XKR6: variants seen among roughly 807,000 people sequenced by gnomAD.
The protein encoded by XKR6 is XK related 6.
Under a neutral mutation model 56.7 loss-of-function variants are expected in XKR6, and 22 were observed. The observed-to-expected ratio is 0.39, with a 90% CI of 0.28 to 0.55. The LOEUF is 0.55. XKR6 is among the 20% of genes least tolerant of loss of function. The probability of loss-of-function intolerance (pLI) is 0.66; values close to 1 mark genes in which losing one functional copy is unlikely to be tolerated. For missense variants in XKR6, 852 were observed against 889.0 expected (o/e 0.96, Z 0.53); for synonymous variants, 524 against 387.8 (o/e 1.35, Z -4.13).
At chr8:10,986,405 G>C (rs541267097) in intron 1 of XKR6, among the ~76,000 whole-genome samples, 112 of 152,132 alleles carry the variant, frequency 7.4e-4, no homozygotes, top group Non-Finnish European at 1.3e-3. Flanking sequence ...AGAATAAAAG[G>C]ATCTACAAAT....
intron 1 of XKR6, among the ~76,000 whole-genome samples, chr8:11,050,132 C>T (rs1799508033): frequency 6.6e-6 from 1 of 152,206 alleles, no homozygotes; most frequent in East Asian, 1.9e-4. Flanking sequence ...CCCTCCTACT[C>T]CCAGGGCCGG....
At chr8:11,036,352 G>C (rs1799143234) in intron 1 of XKR6, among the ~76,000 whole-genome samples, 1 of 152,202 alleles carries the variant, frequency 6.6e-6, no homozygotes, top group Non-Finnish European at 1.5e-5. Flanking sequence ...AGAGGTGGGA[G>C]ACCTAGAGGA....
At chr8:11,027,276 C>A (rs1053782405) in intron 1 of XKR6, among the ~76,000 whole-genome samples, 11 of 152,170 alleles carry the variant, frequency 7.2e-5, no homozygotes, top group African/African-American at 2.2e-4. Flanking sequence ...TGCAGTCCAC[C>A]ATTGACTGAA....
At chr8:11,105,854 A>G in intron 1 of XKR6, 1 of 152,258 alleles carries the variant, frequency 6.6e-6, no homozygotes. Flanking sequence ...CATACATGGA[A>G]CACAAACATA....
At chr8:10,959,506 C>T (rs55788960) in intron 1 of XKR6, among the ~76,000 whole-genome samples, 2 of 152,264 alleles carry the variant, frequency 1.3e-5, no homozygotes, top group South Asian at 4.2e-4. Flanking sequence ...GGATTTGGTT[C>T]CTGGTGAGGG....
chr8:11,182,946 T>C (rs932071791), intron 1 of XKR6, among the ~76,000 whole-genome samples: 8 of 152,216 alleles, frequency 5.3e-5, no homozygotes, highest in Admixed American at 5.2e-4. Flanking sequence ...CACGGCCCTT[T>C]TGTAAGTGGA....
At chr8:11,055,238 G>A (rs1345457427) in intron 1 of XKR6, among the ~76,000 whole-genome samples, 3 of 152,118 alleles carry the variant, frequency 2.0e-5, no homozygotes, top group Admixed American at 2.0e-4. Flanking sequence ...AAGCAGCGTG[G>A]GGTGGATGAA....
intron 1 of XKR6, among the ~76,000 whole-genome samples, chr8:11,038,545 G>C (rs993224347): frequency 6.9e-6 from 1 of 144,160 alleles, no homozygotes; most frequent in African/African-American, 2.7e-5. Context: ...GTGTGTGTGT[G>C]TGTGTTTGAG....
At chr8:10,985,824 T>C (rs1797850012) in intron 1 of XKR6, among the ~76,000 whole-genome samples, 1 of 152,184 alleles carries the variant, frequency 6.6e-6, no homozygotes, top group South Asian at 2.1e-4. Flanking sequence ...CAGGCTGGTC[T>C]TGAACTCCCG....
At chr8:11,108,207 A>G (rs565452477) in intron 1 of XKR6, 17 of 447,660 alleles carry the variant, frequency 3.8e-5, no homozygotes, top group African/African-American at 2.8e-4. Context: ...AAACAAATTA[A>G]CCAAATTCAG....
intron 1 of XKR6, among the ~76,000 whole-genome samples, chr8:10,942,485 G>T (rs1440227463): frequency 6.6e-6 from 1 of 152,216 alleles, no homozygotes; most frequent in African/African-American, 2.4e-5. Context: ...TCCCAGGACT[G>T]CCTGCTCCCG....
intron 1 of XKR6, among the ~76,000 whole-genome samples, chr8:10,984,732 C>CTCTCTCTATA: frequency 1.4e-3 from 67 of 47,488 alleles, no homozygotes; most frequent in African/African-American, 3.2e-3. Context: ...CTCTCTCTCT[C>CTCTCTCTATA]TATATATATA....
chr8:11,012,162 C>T (rs541161590), intron 1 of XKR6, among the ~76,000 whole-genome samples: 6 of 152,330 alleles, frequency 3.9e-5, no homozygotes, highest in African/African-American at 1.4e-4. Context: ...GCAGAAGCTA[C>T]CACTCATCTG....
chr8:11,034,761 G>T (rs1254855491), intron 1 of XKR6, among the ~76,000 whole-genome samples: 1 of 152,182 alleles, frequency 6.6e-6, no homozygotes, highest in Non-Finnish European at 1.5e-5. Flanking sequence ...GATGGGGAAG[G>T]GGTGATGGGT....
Position 10,896,767 on chromosome 8 carries a change from T to C in XKR6, c.*1185A>G, listed in dbSNP as rs990056376. ...ATTCTAGTTTTCCTCTTTGTGTTATTTTTTTTTTTAAAAAAGCACAAATGA... is the reference window on the plus strand; with the variant it reads ...ATTCTAGTTTTCCTCTTTGTGTTATCTTTTTTTTTAAAAAAGCACAAATGA... On this transcript the variant is annotated 3_prime_UTR_variant, in exon 3 of 3. Transcript: ENST00000416569. 3.4e-4 allele frequency: 12 copies of C among 35,376 alleles called. No homozygotes were observed. Among genetic ancestry groups the C allele is most frequent in the African/African-American group, 3.4e-3 (11 of 3,270 alleles). 2.2% of individuals were successfully genotyped at this position (35,376 alleles called of 1,614,324 possible).
intron 1 of XKR6, among the ~76,000 whole-genome samples, chr8:11,129,233 T>G (rs567444645): frequency 6.6e-6 from 1 of 152,322 alleles, no homozygotes; most frequent in South Asian, 2.1e-4. Context: ...AATTGTTCAT[T>G]TTACAATGGT....
intron 2 of XKR6, among the ~76,000 whole-genome samples, chr8:10,914,670 C>T (rs1800503646): frequency 6.6e-6 from 1 of 152,322 alleles, no homozygotes; most frequent in South Asian, 2.1e-4. Context: ...GTCTCCCTTG[C>T]AGCATCCTAG....
intron 1 of XKR6, among the ~76,000 whole-genome samples, chr8:10,943,741 A>G (rs1158742443): frequency 6.6e-6 from 1 of 151,722 alleles, no homozygotes; most frequent in Admixed American, 6.6e-5. Context: ...CCAGGGGTTC[A>G]TACCCAGGTG....
chr8:11,073,220 TTA>T (rs1348106929), intron 1 of XKR6, among the ~76,000 whole-genome samples: 1 of 152,180 alleles, frequency 6.6e-6, no homozygotes, highest in Admixed American at 6.5e-5. Context: ...ATGTGTCCTT[TTA>T]TGAGTTGAGT....
Sources: gnomAD v4.1 joint callset for allele counts (sites outside exome capture counted in the v4.1 genomes callset) on GRCh38, gnomAD v4.1.1 for gene constraint, MANE v1.5 for transcripts, NCBI Gene and HGNC (gene_info 2026-07-23, HGNC 2026-07-21) for gene names.